Variants in CCDC88C observed in about 807,000 individuals in gnomAD.
The protein encoded by CCDC88C is coiled-coil and HOOK domain protein 88C.
Under a neutral mutation model 198.8 loss-of-function variants are expected in CCDC88C, and 131 were observed. The observed-to-expected ratio is 0.66, with a 90% confidence interval of 0.57 to 0.76. The LOEUF is 0.76. Ranked by LOEUF, CCDC88C falls within the 30% of genes least tolerant of loss-of-function variation. The probability of loss-of-function intolerance (pLI) is 0.00; values close to 1 mark genes in which losing one functional copy is unlikely to be tolerated. For missense variants in CCDC88C, 2,553 were observed against 2,631.6 expected (o/e 0.97, Z 0.65); for synonymous variants, 1,166 against 1,114.7 (o/e 1.05, Z -0.92).
chr14:91,346,417 T>C (rs190974746), intron 4 of CCDC88C, among the ~76,000 whole-genome samples: 132 of 152,232 alleles, frequency 8.7e-4, no homozygotes, highest in African/African-American at 3.0e-3. Flanking sequence ...GTTAAATCCT[T>C]CTCCTGCTAG....
At chr14:91,316,016 A>C in intron 13 of CCDC88C, 1 of 507,750 alleles carries the variant, frequency 2.0e-6, no homozygotes, top group Non-Finnish European at 3.5e-6. Context: ...CCTCTGCCCC[A>C]TCCTTGCTGC....
rs532444191 is a variant in CCDC88C at position 91,298,322 on chromosome 14, C to T, written c.3780-831G>A. On this transcript the variant is annotated intron_variant, in intron 21 of 29. Transcript: ENST00000389857. ...CCGGGAGGCGGAGCTTGCAGTGAGC[C>T]GAGATCGCGCCACTGCACTCCAGCC... Among the ~76,000 whole-genome samples, 10 of 151,836 alleles carry T rather than the reference C, an allele frequency of 6.6e-5. No individual in the cohort carries two copies. In the East Asian group the frequency reaches 1.9e-3, roughly 30 times the overall value.
chr14:91,331,611 G>A lies in CCDC88C; in HGVS notation c.1051-5555C>T, dbSNP rs922766846. On this transcript the variant is annotated intron_variant, in intron 10 of 29. Transcript: ENST00000389857. ...CATTAGCCCAGTTCCTCACTGGCCG[G>A]TGCTGGCCAACAACCCTTTCTGTCC... 3.3e-5 allele frequency among the ~76,000 whole-genome samples: 5 copies of A among 152,320 alleles called. No individual in the cohort carries two copies. The South Asian group carries it at 8.3e-4, about 25-fold the overall frequency.
At position 91,361,053 on chromosome 14, in the gene CCDC88C, C is replaced by T. The variant is rs1326519173; in HGVS notation, c.271-1342G>A. On this transcript the variant is annotated intron_variant, in intron 3 of 29. Transcript: ENST00000389857. ...CAGCTACTCGGGAGGATTGCTTGAGCCCAGGAGTTCCAGGCTGCAGTGAGC... is the reference window on the plus strand; with the variant it reads ...CAGCTACTCGGGAGGATTGCTTGAGTCCAGGAGTTCCAGGCTGCAGTGAGC... 2.6e-5 allele frequency among the ~76,000 whole-genome samples: 4 copies of T among 151,434 alleles called. No homozygotes were observed. In the East Asian group the frequency reaches 7.7e-4, roughly 29 times the overall value.
intron 3 of CCDC88C, among the ~76,000 whole-genome samples, chr14:91,399,513 G>A (rs1323265775): frequency 6.6e-6 from 1 of 152,168 alleles, no homozygotes; most frequent in Admixed American, 6.5e-5. Flanking sequence ...GGGAGCAGGA[G>A]TTTTCTTTCC....
At chr14:91,298,292 G>T (rs1386267720) in intron 21 of CCDC88C, among the ~76,000 whole-genome samples, 1 of 151,994 alleles carries the variant, frequency 6.6e-6, no homozygotes, top group Non-Finnish European at 1.5e-5. Context: ...AAAGTTGCCG[G>T]GAACCCGGGA....
At chr14:91,299,802 C>A (rs868205533) in intron 21 of CCDC88C, 125 bp downstream of exon 21, 21 of 1,276,714 alleles carry the variant, frequency 1.6e-5, no homozygotes, top group Middle Eastern at 2.8e-4. Flanking sequence ...CCCAGCTGTT[C>A]ACACAGCAAG....
In CCDC88C at chr14:91,313,640, T is replaced by G. The variant is rs758924933; in HGVS notation, c.2176A>C (p.Met726Leu). Reference protein sequence around the residue: ...MRFTSTKLAQMERENQQLERE... With the variant: ...MRFTSTKLAQLERENQQLERE... Reference sequence around the variant, plus strand: ...TCCAGCTGCTGGTTCTCCCTCTCCATCTGTGCCAGCTTGGTGCTGGTGAAG... The same window carrying G: ...TCCAGCTGCTGGTTCTCCCTCTCCAGCTGTGCCAGCTTGGTGCTGGTGAAG... The change falls in exon 15 of 30, where the codon ATG becomes CTG. Residue 726 changes from methionine to leucine, a missense_variant. Physicochemically the swap from Met to Leu is conservative, Grantham distance 15. This residue lies in a region of CCDC88C where 1,260 missense variants were observed against 1,412.0 expected (regional missense o/e 0.89). Transcript: ENST00000389857. This position sits in a 1 kb window ranked among gnomAD's most constrained non-coding sequence, Gnocchi z 5.2. 1 of 1,612,638 alleles carries G rather than the reference T, an allele frequency of 6.2e-7. No individual in the cohort carries two copies. The highest frequency in any genetic ancestry group is 1.7e-5 in the Admixed American group (1 of 60,024).
chr14:91,357,840 T>G (rs1449623898), intron 4 of CCDC88C, among the ~76,000 whole-genome samples: 3 of 152,008 alleles, frequency 2.0e-5, no homozygotes, highest in Non-Finnish European at 2.9e-5. Context: ...GGGGGAGCCA[T>G]GAAATAAAGC....
At chr14:91,281,216 G>A (rs1023467698) in intron 27 of CCDC88C, 1 of 1,018,768 alleles carries the variant, frequency 9.8e-7, no homozygotes, top group South Asian at 1.3e-5. Flanking sequence ...GGCATGAAGA[G>A]GAGAGGTCGG....
In CCDC88C at chr14:91,278,113, G is replaced by A. The variant is rs761701580; in HGVS notation, c.4867C>T (p.Pro1623Ser). ...TGGCGGCCGAGGGCGTTGCGTCCCG[G>A]TGTGCTGGCTTCCCGGGGCAAAGTG... is the stretch of plus-strand genomic sequence containing the variant. ...LATLPREAST[P>S]GRNALGRHEY... The change falls in exon 29 of 30, where the codon CCG (proline) becomes TCG (serine). Residue 1623 changes from proline to serine, a missense_variant. By Grantham distance (74) the Pro-to-Ser change is moderately conservative. This residue lies in a region of CCDC88C where 1,293 missense variants were observed against 1,219.6 expected (regional missense o/e 1.06). Coordinates refer to ENST00000389857, the MANE Select transcript of CCDC88C (RefSeq NM_001080414.4). The A allele has an allele frequency of 3.1e-6, 5 of 1,613,280 alleles. No individual in the cohort carries two copies. The highest frequency in any genetic ancestry group is 4.2e-6 in the Non-Finnish European group (5 of 1,179,714).
chr14:91,289,033 A>G (rs564413511), intron 25 of CCDC88C, 72 bp downstream of exon 25: 1 of 1,276,080 alleles, frequency 7.8e-7, no homozygotes, highest in South Asian at 1.2e-5. Flanking sequence ...ACACGTGTGC[A>G]CAGCCACCGG....
intron 2 of CCDC88C, among the ~76,000 whole-genome samples, chr14:91,415,045 T>C (rs1245548018): frequency 1.3e-5 from 2 of 152,180 alleles, no homozygotes; most frequent in Non-Finnish European, 2.9e-5. Context: ...TGTTCCCCCC[T>C]CTGCCTGGGT....
Position 91,339,449 on chromosome 14 carries a change from A to C in CCDC88C, c.638T>G (p.Leu213Arg), listed in dbSNP as rs1214330575. Reference sequence around the variant, plus strand: ...CTGCAGGTAGTCCCGTTCCTGAGTGAGGTCCACGATCAGCTGCAGCCGGGC... The same window carrying C: ...CTGCAGGTAGTCCCGTTCCTGAGTGCGGTCCACGATCAGCTGCAGCCGGGC... ...RDECTELIVD[L>R]TQERDYLQAQ... Residue 213 changes from leucine (L) to arginine (R), a missense_variant, in exon 8 of 30, where the codon CTC becomes CGC. Leu to Arg is a moderately radical substitution (Grantham distance 102). Around this residue, in one of 2 missense-constraint regions of CCDC88C, gnomAD observed 1,260 missense variants for 1,412.0 expected, o/e 0.89. Transcript: ENST00000389857. This position sits in a 1 kb window ranked among gnomAD's most constrained non-coding sequence, Gnocchi z 5.8. 6.2e-7 allele frequency: 1 copy of C among 1,605,726 alleles called. No individual in the cohort carries two copies. The highest frequency in any genetic ancestry group is 1.1e-5 in the South Asian group (1 of 90,726).
At chr14:91,307,251 A>G in intron 17 of CCDC88C, 25 bp from the exon 18 acceptor site, 1 of 1,608,336 alleles carries the variant, frequency 6.2e-7, no homozygotes, top group Non-Finnish European at 8.5e-7. Context: ...ATAAGCAAGG[A>G]GGCTTTAGGC....
At chr14:91,349,373 G>C (rs1265230772) in intron 4 of CCDC88C, among the ~76,000 whole-genome samples, 1 of 152,214 alleles carries the variant, frequency 6.6e-6, no homozygotes, top group Non-Finnish European at 1.5e-5. Flanking sequence ...CAGGCCCAGG[G>C]AACAGCACAT....
intron 3 of CCDC88C, among the ~76,000 whole-genome samples, chr14:91,386,844 T>C (rs2139967528): frequency 6.6e-6 from 1 of 152,298 alleles, no homozygotes; most frequent in South Asian, 2.1e-4. Context: ...CTTTAGGGGC[T>C]TGGGACCAAC....
chr14:91,278,481 G>A (rs752560880), intron 28 of CCDC88C, among the ~76,000 whole-genome samples: 5 of 152,198 alleles, frequency 3.3e-5, no homozygotes, highest in Admixed American at 6.5e-5. Context: ...CCTTGTCAGC[G>A]CTCGCTCATG....
intron 3 of CCDC88C, among the ~76,000 whole-genome samples, chr14:91,382,353 T>C (rs1771069793): frequency 6.6e-6 from 1 of 152,098 alleles, no homozygotes; most frequent in Non-Finnish European, 1.5e-5. Flanking sequence ...CAGAGACCCT[T>C]TCAACATGGC....
Sources: allele counts gnomAD v4.1 joint callset (sites outside exome capture counted in the v4.1 genomes callset), GRCh38; gene constraint gnomAD v4.1.1; regional missense constraint gnomAD v4.1.1; non-coding constraint Gnocchi (gnomAD v3.1); transcripts MANE v1.5; gene names NCBI Gene and HGNC (gene_info 2026-07-23, HGNC 2026-07-21).